The following ZFHX3 variants were observed in gnomAD, a reference collection of about 807,000 sequenced individuals.
The protein encoded by ZFHX3 is zinc finger homeobox 3.
ZFHX3 carries 42 observed loss-of-function variants against 279.1 expected under a neutral mutation model. The ratio of observed to expected loss-of-function variants is 0.15; its 90% CI spans 0.12 to 0.19. ZFHX3 has a LOEUF of 0.19. ZFHX3 is among the 10% of genes least tolerant of loss of function. The pLI, the probability that ZFHX3 is intolerant of heterozygous loss-of-function variation, is 1.00. For missense variants in ZFHX3, 4,981 were observed against 4,754.0 expected (o/e 1.05, Z -1.40); for synonymous variants, 2,293 against 1,957.8 (o/e 1.17, Z -4.52).
chr16:72,934,506 A>G (rs1453900574), intron 3 of ZFHX3, among the ~76,000 whole-genome samples: 1 of 152,214 alleles, frequency 6.6e-6, no homozygotes. Flanking sequence ...CCATAGCCAC[A>G]GGTTCAGTAA....
intron 1 of ZFHX3, among the ~76,000 whole-genome samples, chr16:73,878,940 G>GAGAT (rs2030046868): frequency 7.1e-6 from 1 of 141,030 alleles, no homozygotes; most frequent in Non-Finnish European, 1.5e-5. Context: ...AAAAAGATAA[G>GAGAT]ATATATATAT....
At chr16:73,164,959 C>T (rs1187220437) in intron 5 of ZFHX3, among the ~76,000 whole-genome samples, 1 of 152,166 alleles carries the variant, frequency 6.6e-6, no homozygotes, top group Non-Finnish European at 1.5e-5. Flanking sequence ...GAACTTGCAT[C>T]CTTATTTACT....
chr16:73,352,638 C>G (rs1270078408), intron 3 of ZFHX3, among the ~76,000 whole-genome samples: 2 of 151,864 alleles, frequency 1.3e-5, no homozygotes, highest in East Asian at 3.9e-4. Flanking sequence ...TGCCACCACG[C>G]CAGGTTGATT....
At chr16:73,214,382 A>T (rs2012123348) in intron 5 of ZFHX3, among the ~76,000 whole-genome samples, 1 of 150,746 alleles carries the variant, frequency 6.6e-6, no homozygotes, top group African/African-American at 2.4e-5. Context: ...GTGACTGTGA[A>T]TTTTTTTTTT....
intron 4 of ZFHX3, among the ~76,000 whole-genome samples, chr16:72,867,566 G>T (rs1047595922): frequency 6.6e-6 from 1 of 152,196 alleles, no homozygotes; most frequent in African/African-American, 2.4e-5. Context: ...CTACCCATGA[G>T]CAAACTCTTC....
At chr16:73,575,075 T>C (rs750696004) in intron 2 of ZFHX3, among the ~76,000 whole-genome samples, 9 of 152,238 alleles carry the variant, frequency 5.9e-5, no homozygotes, top group Non-Finnish European at 1.2e-4. Flanking sequence ...ACTAAGCCAG[T>C]GGCGCACAGT....
chr16:73,618,483 T>C (rs1031769836), intron 2 of ZFHX3, among the ~76,000 whole-genome samples: 1 of 152,212 alleles, frequency 6.6e-6, no homozygotes, highest in African/African-American at 2.4e-5. Context: ...TTAGAAAATT[T>C]CAGTAACTTA....
intron 3 of ZFHX3, among the ~76,000 whole-genome samples, chr16:73,432,460 C>T (rs1018932099): frequency 1.3e-5 from 2 of 152,184 alleles, no homozygotes; most frequent in Non-Finnish European, 2.9e-5. Flanking sequence ...CTTCCTTCCC[C>T]TCTGAAAAGA....
chr16:72,999,549 AC>A (rs1292946411), intron 1 of ZFHX3, among the ~76,000 whole-genome samples: 3 of 152,208 alleles, frequency 2.0e-5, no homozygotes, highest in Admixed American at 2.0e-4. Context: ...CAGGGCATAA[AC>A]TTTGGAGGCA....
chr16:73,504,428 T>A (rs1422558321), intron 2 of ZFHX3: 2 of 152,228 alleles, frequency 1.3e-5, no homozygotes, highest in Non-Finnish European at 2.9e-5. Flanking sequence ...AGAGTCTACC[T>A]AGGTTTCAAA....
At chr16:72,803,681 A>G (rs538381199) in intron 7 of ZFHX3, among the ~76,000 whole-genome samples, 1 of 152,352 alleles carries the variant, frequency 6.6e-6, no homozygotes, top group South Asian at 2.1e-4. Context: ...CACTTTCTAC[A>G]TTGAATGTAC....
intron 3 of ZFHX3, among the ~76,000 whole-genome samples, chr16:72,915,438 A>G (rs1340418181): frequency 3.3e-5 from 5 of 152,096 alleles, no homozygotes; most frequent in Non-Finnish European, 7.4e-5. Flanking sequence ...TGTCCACCCA[A>G]CTAGATCTCA....
At chr16:73,307,084 C>G (rs533507533) in intron 4 of ZFHX3, among the ~76,000 whole-genome samples, 1 of 152,314 alleles carries the variant, frequency 6.6e-6, no homozygotes, top group East Asian at 1.9e-4. Context: ...ATGATAAAGT[C>G]TCTTATGGTT....
At chr16:73,397,612 A>C (rs1276405805) in intron 3 of ZFHX3, among the ~76,000 whole-genome samples, 1 of 152,170 alleles carries the variant, frequency 6.6e-6, no homozygotes, top group Admixed American at 6.5e-5. Context: ...GCAGTGGTTC[A>C]GTGAGCAGTG....
At chr16:73,089,463 G>A (rs547656792) in intron 8 of ZFHX3, among the ~76,000 whole-genome samples, 3 of 152,180 alleles carry the variant, frequency 2.0e-5, no homozygotes, top group South Asian at 2.1e-4. Flanking sequence ...TATTTTTACC[G>A]AGGAAAAATC....
intron 1 of ZFHX3, among the ~76,000 whole-genome samples, chr16:73,720,920 A>G (rs887264913): frequency 6.6e-6 from 1 of 152,224 alleles, no homozygotes; most frequent in East Asian, 1.9e-4. Context: ...TAACTTTTTC[A>G]TCAGAAAAAT....
At chr16:73,136,499 A>G (rs1966796232) in intron 6 of ZFHX3, among the ~76,000 whole-genome samples, 1 of 152,044 alleles carries the variant, frequency 6.6e-6, no homozygotes. Flanking sequence ...CAAAGCAGAC[A>G]GATCACTTGA....
At position 72,794,990 on chromosome 16, in the gene ZFHX3, C is replaced by T. The variant is rs1335822308; in HGVS notation, c.7692G>A (p.Gln2564=). ...GCATATCCAGGGACCTGTCCAAAAA[C>T]TGGGGGTGGATGAACTGGTTCTGCG... The part of the protein sequence containing the change: ...LSAQNQFIHP[Q]FLDRSLDMPF... Residue 2564 remains glutamine, a synonymous_variant, in exon 9 of 10, where the codon CAG becomes CAA. Coordinates refer to ENST00000268489, the MANE Select transcript of ZFHX3 (RefSeq NM_006885.4). The surrounding 1 kb of genome is among the most constrained non-coding windows in gnomAD (Gnocchi z 4.2). 6.2e-7 allele frequency: 1 copy of T among 1,614,168 alleles called. No individual in the cohort carries two copies. Among genetic ancestry groups the T allele is most frequent in the African/African-American group, 1.3e-5 (1 of 75,030 alleles).
chr16:73,817,582 C>A (rs181443344), intron 1 of ZFHX3, among the ~76,000 whole-genome samples: 6 of 152,308 alleles, frequency 3.9e-5, no homozygotes, highest in Admixed American at 3.3e-4. Flanking sequence ...CCTGCTCGGT[C>A]TGCAAAGCAG....
Sources: allele counts gnomAD v4.1 joint callset (sites outside exome capture counted in the v4.1 genomes callset), GRCh38; gene constraint gnomAD v4.1.1; non-coding constraint Gnocchi (gnomAD v3.1); transcripts MANE v1.5; gene names NCBI Gene and HGNC (gene_info 2026-07-23, HGNC 2026-07-21).